CNOT6L: variants seen among roughly 807,000 people sequenced by gnomAD.
CNOT6L encodes the protein CCR4-NOT transcription complex subunit 6 like.
A neutral mutation model predicts 64.0 loss-of-function variants in CNOT6L; 7 were observed. The observed-to-expected ratio is 0.11, with a 90% confidence interval of 0.06 to 0.21. The LOEUF is 0.21. Ranked by LOEUF, CNOT6L falls within the 10% of genes least tolerant of loss-of-function variation. CNOT6L has a pLI of 1.00. For synonymous variants in CNOT6L, 193 were observed against 243.4 expected (o/e 0.79, Z 1.93); for missense variants, 245 against 669.0 (o/e 0.37, Z 6.99).
At chr4:77,801,566 A>G (rs943841548) in intron 1 of CNOT6L, among the ~76,000 whole-genome samples, 2 of 152,114 alleles carry the variant, frequency 1.3e-5, no homozygotes, top group African/African-American at 4.8e-5. Flanking sequence ...ACAGTTTGAT[A>G]TAATTTTCTG....
At chr4:77,743,657 A>C (rs907824074) in intron 7 of CNOT6L, among the ~76,000 whole-genome samples, 1 of 118,454 alleles carries the variant, frequency 8.4e-6, no homozygotes, top group Non-Finnish European at 1.6e-5. Context: ...GCTGGAGTGC[A>C]GTGGTGCAAT....
chr4:77,748,777 A>C (rs912350898), intron 5 of CNOT6L, among the ~76,000 whole-genome samples: 2 of 152,206 alleles, frequency 1.3e-5, no homozygotes, highest in Non-Finnish European at 2.9e-5. Flanking sequence ...AACATCTTTA[A>C]AACAGAAAAA....
chr4:77,786,420 G>C (rs919348766), intron 1 of CNOT6L, among the ~76,000 whole-genome samples: 21 of 152,216 alleles, frequency 1.4e-4, no homozygotes, highest in African/African-American at 4.8e-4. Context: ...TTCAAGACCA[G>C]CCTGGTGGCA....
intron 6 of CNOT6L, among the ~76,000 whole-genome samples, chr4:77,745,505 A>G (rs1724091197): frequency 6.6e-6 from 1 of 152,218 alleles, no homozygotes; most frequent in Admixed American, 6.5e-5. Context: ...ATCAGTAATC[A>G]ATCACCTGGG....
intron 8 of CNOT6L, among the ~76,000 whole-genome samples, chr4:77,740,903 C>A (rs1482774198): frequency 6.6e-6 from 1 of 152,154 alleles, no homozygotes; most frequent in Non-Finnish European, 1.5e-5. Context: ...CAGTAACATG[C>A]TGTACAGGTT....
At chr4:77,755,129 C>T (rs1725383330) in intron 5 of CNOT6L, among the ~76,000 whole-genome samples, 1 of 148,750 alleles carries the variant, frequency 6.7e-6, no homozygotes, top group Non-Finnish European at 1.5e-5. Flanking sequence ...CAAAAAAAAG[C>T]TTACATCTAA....
At position 77,744,748 on chromosome 4, in the gene CNOT6L, A is replaced by G; in HGVS notation, c.687T>C (p.Val229=). 1 of 1,613,192 alleles carries G rather than the reference A, an allele frequency of 6.2e-7. No homozygotes were observed. The highest frequency in any genetic ancestry group is 2.2e-5 in the East Asian group (1 of 44,848). Residue 229 remains valine, a synonymous_variant, in exon 7 of 12, where the codon GTT becomes GTC. Coordinates refer to ENST00000504123, the MANE Select transcript of CNOT6L (RefSeq NM_144571.3). ...YRKKGIMEEI[V]NCDADIISLQ... ...GACTAATGATATCTGCGTCACAGTT[A>G]ACAATTTCTTCCATAATTCCCTTTT...
intron 4 of CNOT6L, among the ~76,000 whole-genome samples, chr4:77,766,360 A>G (rs957356015): frequency 1.3e-4 from 20 of 152,136 alleles, no homozygotes; most frequent in African/African-American, 4.8e-4. Context: ...CTAAAATCTA[A>G]AAAACTTTTT....
At chr4:77,804,035 C>T (rs1461307678) in intron 1 of CNOT6L, among the ~76,000 whole-genome samples, 1 of 152,050 alleles carries the variant, frequency 6.6e-6, no homozygotes, top group Non-Finnish European at 1.5e-5. Context: ...TAGGTATACA[C>T]CCAAGAGAAA....
At chr4:77,760,156 T>C (rs982563167) in intron 4 of CNOT6L, among the ~76,000 whole-genome samples, 1 of 152,078 alleles carries the variant, frequency 6.6e-6, no homozygotes, top group African/African-American at 2.4e-5. Flanking sequence ...GAGAACTCCA[T>C]GAGGCCAGGA....
intron 9 of CNOT6L, among the ~76,000 whole-genome samples, chr4:77,730,685 T>C (rs771992055): frequency 7.2e-5 from 11 of 152,078 alleles, no homozygotes; most frequent in Non-Finnish European, 1.3e-4. Context: ...GTTTGACACA[T>C]ATGCATGGTC....
intron 11 of CNOT6L, among the ~76,000 whole-genome samples, chr4:77,721,296 G>C (rs1721250589): frequency 6.6e-6 from 1 of 152,154 alleles, no homozygotes; most frequent in South Asian, 2.1e-4. Context: ...TCAGCAGGAA[G>C]CCATACATAG....
At chr4:77,731,155 T>C (rs1224655494) in intron 9 of CNOT6L, among the ~76,000 whole-genome samples, 9 of 152,100 alleles carry the variant, frequency 5.9e-5, no homozygotes, top group South Asian at 2.1e-4. Flanking sequence ...TAAAAAAGAC[T>C]TTACATAGAT....
At chr4:77,751,641 A>G (rs1263464763) in intron 5 of CNOT6L, among the ~76,000 whole-genome samples, 1 of 152,192 alleles carries the variant, frequency 6.6e-6, no homozygotes, top group African/African-American at 2.4e-5. Flanking sequence ...CCTTAAAAAC[A>G]TCAGACAGAA....
intron 1 of CNOT6L, among the ~76,000 whole-genome samples, chr4:77,787,832 T>C (rs1012861677): frequency 6.6e-6 from 1 of 152,228 alleles, no homozygotes; most frequent in African/African-American, 2.4e-5. Flanking sequence ...AAGCAGGTAT[T>C]ACTATTCCAA....
At chr4:77,782,653 T>C (rs1382374185) in intron 1 of CNOT6L, among the ~76,000 whole-genome samples, 5 of 151,542 alleles carry the variant, frequency 3.3e-5, no homozygotes, top group Non-Finnish European at 7.4e-5. Context: ...TTTTTTTTTT[T>C]TTTTTTTAAA....
At chr4:77,772,780 G>A (rs555449235) in intron 4 of CNOT6L, among the ~76,000 whole-genome samples, 12 of 152,098 alleles carry the variant, frequency 7.9e-5, no homozygotes, top group East Asian at 2.0e-4. Flanking sequence ...AAAATTAGCC[G>A]GGCATGGTGG....
intron 1 of CNOT6L, among the ~76,000 whole-genome samples, chr4:77,811,518 G>T (rs1732935239): frequency 6.6e-6 from 1 of 152,158 alleles, no homozygotes; most frequent in African/African-American, 2.4e-5. Context: ...CTGCACTCCA[G>T]ACTGGGCGAT....
intron 5 of CNOT6L, 111 bp from the exon 6 acceptor site, chr4:77,748,495 A>C (rs1724456189): frequency 1.4e-6 from 1 of 732,598 alleles, no homozygotes; most frequent in African/African-American, 1.8e-5. Context: ...CGGCCTGCAA[A>C]CTGACTTAAT....
Sources: gnomAD v4.1 joint callset for allele counts (sites outside exome capture counted in the v4.1 genomes callset) on GRCh38, gnomAD v4.1.1 for gene constraint, MANE v1.5 for transcripts, NCBI Gene and HGNC (gene_info 2026-07-23, HGNC 2026-07-21) for gene names.